The following ASIC2 variants were observed in gnomAD, a reference collection of about 807,000 sequenced individuals.
The protein encoded by ASIC2 is acid sensing ion channel subunit 2.
ASIC2 carries 25 observed loss-of-function variants against 57.3 expected under a neutral mutation model. The observed-to-expected ratio is 0.44, with a 90% confidence interval of 0.32 to 0.61. The LOEUF is 0.61. ASIC2 is among the 20% of genes least tolerant of loss of function. The pLI is 0.06. For synonymous variants in ASIC2, 319 were observed against 307.5 expected, an observed-to-expected ratio of 1.04 and a Z score of -0.39; for missense variants, 641 against 738.1, an observed-to-expected ratio of 0.87 and a Z score of 1.52.
At chr17:33,687,226 C>T (rs1289752622) in intron 1 of ASIC2, among the ~76,000 whole-genome samples, 1 of 152,170 alleles carries the variant, frequency 6.6e-6, no homozygotes, top group Non-Finnish European at 1.5e-5. Context: ...TTCACCTTCC[C>T]TACATTCTTC....
chr17:33,478,404 G>A (rs1913297824), intron 1 of ASIC2, among the ~76,000 whole-genome samples: 1 of 152,206 alleles, frequency 6.6e-6, no homozygotes, highest in Non-Finnish European at 1.5e-5. Flanking sequence ...TCCGTAAATA[G>A]CACAGAGGTC....
rs76350056 is a variant in ASIC2 at position 33,800,264 on chromosome 17, G to C, written c.555+355714C>G. Among the ~76,000 whole-genome samples, 32 of 152,226 alleles carry C rather than the reference G, an allele frequency of 2.1e-4. No individual in the cohort carries two copies. In the East Asian group the frequency reaches 5.4e-3, roughly 26 times the overall value. Reference sequence around the variant, plus strand: ...CCGATTTCCTAAAGAAGTTCAACTTGGAATGCACACCCCCTTTTGCACAGG... The same window carrying C: ...CCGATTTCCTAAAGAAGTTCAACTTCGAATGCACACCCCCTTTTGCACAGG... On this transcript the variant is annotated intron_variant, in intron 1 of 9. Coordinates refer to the ASIC2 transcript ENST00000359872.
intron 1 of ASIC2, among the ~76,000 whole-genome samples, chr17:33,391,293 C>A (rs896324869): frequency 3.3e-5 from 5 of 152,204 alleles, no homozygotes; most frequent in African/African-American, 7.2e-5. Context: ...TCTACTCTCT[C>A]CCACCTACTG....
At chr17:33,595,175 A>C (rs1175213149) in intron 1 of ASIC2, among the ~76,000 whole-genome samples, 3 of 152,128 alleles carry the variant, frequency 2.0e-5, no homozygotes, top group Non-Finnish European at 2.9e-5. Flanking sequence ...GCAGAGAGCC[A>C]TGATGGCACC....
chr17:34,038,833 A>C, intron 1 of ASIC2: 4 of 1,612,210 alleles, frequency 2.5e-6, no homozygotes, highest in Non-Finnish European at 3.4e-6. Context: ...CCATGGCAGG[A>C]GGTTTCCGCT....
At position 34,013,413 on chromosome 17, in the gene ASIC2, C is replaced by A. The variant is rs146864939; in HGVS notation, c.555+142565G>T. On this transcript the variant is annotated intron_variant, in intron 1 of 9. Transcript: ENST00000359872. ...CTGGGGCAGCTCCTACAGTTCCTAACGGTCCCCTTTGCAATTTGCCATACA... is the reference window on the plus strand; with the variant it reads ...CTGGGGCAGCTCCTACAGTTCCTAAAGGTCCCCTTTGCAATTTGCCATACA... Among the ~76,000 whole-genome samples the A allele has an allele frequency of 7.5e-3, 1,150 of 152,330 alleles. 25 individuals are homozygous for A. The highest frequency in any genetic ancestry group is 0.026 in the African/African-American group (1,092 of 41,578).
At chr17:33,846,725 A>AC (rs771752720) in intron 1 of ASIC2, among the ~76,000 whole-genome samples, 2 of 148,260 alleles carry the variant, frequency 1.3e-5, no homozygotes, top group African/African-American at 2.6e-5. Flanking sequence ...CTCAGTGATA[A>AC]CTTTTTTTTT....
At chr17:33,365,171 C>T (rs1185288491) in intron 1 of ASIC2, among the ~76,000 whole-genome samples, 1 of 152,204 alleles carries the variant, frequency 6.6e-6, no homozygotes, top group Non-Finnish European at 1.5e-5. Flanking sequence ...CCTTTGTCCA[C>T]CTCACCCCCT....
chr17:33,960,139 T>C lies in ASIC2; in HGVS notation c.555+195839A>G, dbSNP rs967434217. Among the ~76,000 whole-genome samples, 5 of 152,200 alleles carry C rather than the reference T, an allele frequency of 3.3e-5. No individual in the cohort carries two copies. In the East Asian group the frequency reaches 9.6e-4, roughly 29 times the overall value. ...ATTCAATCAATGACAAGGCTCTTAA[T>C]GTAATTATTAGGGAAGTGTCACTGT... On this transcript the variant is annotated intron_variant, in intron 1 of 9. Coordinates refer to the ASIC2 transcript ENST00000359872.
chr17:33,895,891 G>A (rs556713828), intron 1 of ASIC2, among the ~76,000 whole-genome samples: 28 of 152,194 alleles, frequency 1.8e-4, no homozygotes, highest in East Asian at 5.8e-4. Context: ...CACCACTTAC[G>A]GGGTGCATAA....
chr17:33,166,397 A>G (rs1905307536), intron 1 of ASIC2, among the ~76,000 whole-genome samples: 1 of 152,212 alleles, frequency 6.6e-6, no homozygotes, highest in African/African-American at 2.4e-5. Flanking sequence ...AATAAGCATA[A>G]AGTTGACAGC....
chr17:33,095,995 C>G (rs2092177459), intron 2 of ASIC2, among the ~76,000 whole-genome samples: 1 of 152,206 alleles, frequency 6.6e-6, no homozygotes, highest in Non-Finnish European at 1.5e-5. Context: ...GCATCTCTGG[C>G]TACCACTGTC....
At chr17:33,739,968 G>GA (rs1372520638) in intron 1 of ASIC2, among the ~76,000 whole-genome samples, 1 of 60,588 alleles carries the variant, frequency 1.7e-5, no homozygotes, top group Non-Finnish European at 5.7e-5. Flanking sequence ...AGAAAGAAAA[G>GA]AAGAAAGAAA....
intron 1 of ASIC2, among the ~76,000 whole-genome samples, chr17:33,127,518 TG>T (rs767776941): frequency 1.1e-4 from 17 of 152,308 alleles, no homozygotes; most frequent in Non-Finnish European, 2.1e-4. Flanking sequence ...GGTGGTCTGG[TG>T]GTGCTGCCAA....
At chr17:33,922,441 T>C (rs1483795669) in intron 1 of ASIC2, among the ~76,000 whole-genome samples, 1 of 152,210 alleles carries the variant, frequency 6.6e-6, no homozygotes, top group Non-Finnish European at 1.5e-5. Flanking sequence ...ATCCTATTTG[T>C]TCAAAAATAC....
chr17:33,362,244 C>T (rs555542239), intron 1 of ASIC2, among the ~76,000 whole-genome samples: 1 of 152,288 alleles, frequency 6.6e-6, no homozygotes, highest in Admixed American at 6.5e-5. Context: ...GTACTTGTCC[C>T]CATTTGACCA....
chr17:33,297,584 A>C (rs1366777203), upstream of ASIC2, among the ~76,000 whole-genome samples: 1 of 152,106 alleles, frequency 6.6e-6, no homozygotes, highest in African/African-American at 2.4e-5. Context: ...GCACTTTGGG[A>C]GGCCAAGATG....
chr17:33,930,832 C>G (rs931081358), intron 1 of ASIC2, among the ~76,000 whole-genome samples: 4 of 152,142 alleles, frequency 2.6e-5, no homozygotes, highest in Non-Finnish European at 5.9e-5. Context: ...GGAGGGGATG[C>G]CAGGGGAGAG....
At chr17:33,603,636 G>A (rs1905160673) in intron 1 of ASIC2, among the ~76,000 whole-genome samples, 1 of 152,194 alleles carries the variant, frequency 6.6e-6, no homozygotes, top group Admixed American at 6.5e-5. Flanking sequence ...GGTTGGGTCA[G>A]AAAAGGAGAA....
Sources: gnomAD v4.1 joint callset for allele counts (sites outside exome capture counted in the v4.1 genomes callset) on GRCh38, gnomAD v4.1.1 for gene constraint, MANE v1.5 for transcripts, NCBI Gene and HGNC (gene_info 2026-07-23, HGNC 2026-07-21) for gene names.